The following DOCK10 variants were observed in gnomAD, a reference collection of about 807,000 sequenced individuals.
The protein encoded by DOCK10 is dedicator of cytokinesis protein 10.
Under a neutral mutation model 280.1 loss-of-function variants are expected in DOCK10, and 145 were observed. That is an observed-to-expected ratio of 0.52 (90% CI 0.45 to 0.59). The LOEUF (loss-of-function observed/expected upper bound fraction) is 0.59. Ranked by LOEUF, DOCK10 falls within the 20% of genes least tolerant of loss-of-function variation. The pLI, the probability that DOCK10 is intolerant of heterozygous loss-of-function variation, is 0.00. For missense variants in DOCK10, 2,368 were observed against 2,651.7 expected, an observed-to-expected ratio of 0.89 and a Z score of 2.35; for synonymous variants, 915 against 942.2, an observed-to-expected ratio of 0.97 and a Z score of 0.53.
chr2:224,827,784 G>T (rs754127609), intron 27 of DOCK10, among the ~76,000 whole-genome samples: 12 of 152,118 alleles, frequency 7.9e-5, no homozygotes, highest in Non-Finnish European at 1.6e-4. Context: ...TAGCAGAAAA[G>T]CAAAAATAGG....
chr2:224,787,664 C>T (rs1250399833), intron 48 of DOCK10, among the ~76,000 whole-genome samples: 1 of 152,198 alleles, frequency 6.6e-6, no homozygotes, highest in Non-Finnish European at 1.5e-5. Context: ...TGACTTCGTA[C>T]TCCCTGACCC....
chr2:225,007,289 T>TCAC (rs1391707195), intron 1 of DOCK10, among the ~76,000 whole-genome samples: 1 of 152,070 alleles, frequency 6.6e-6, no homozygotes, highest in African/African-American at 2.4e-5. Context: ...CAGAAGGTGG[T>TCAC]TTCTAGCAGT....
At position 224,805,024 on chromosome 2, in the gene DOCK10, A is replaced by G; in HGVS notation, c.4118+34T>C. The stretch of plus-strand genomic sequence containing the variant: ...TAGTGGACTATTTAGAAATTTCCAG[A>G]AAAAAGTGTTAAGTCATCAACTCTA... On this transcript the variant is annotated intron_variant, in intron 37 of 55. Coordinates refer to ENST00000258390, the MANE Select transcript of DOCK10 (RefSeq NM_014689.3). The surrounding 1 kb of genome is among the most constrained non-coding windows in gnomAD (Gnocchi z 4.3). 6.4e-7 allele frequency: 1 copy of G among 1,558,234 alleles called. No homozygotes were observed.
At chr2:224,855,095 A>ACACG (rs2125567455) in intron 15 of DOCK10, 53 bp from the exon 16 acceptor site, 1 of 1,205,764 alleles carries the variant, frequency 8.3e-7, no homozygotes, top group East Asian at 2.5e-5. Context: ...ACACACACAC[A>ACACG]CACACAGAGT....
At chr2:224,886,891 C>T (rs1559661701) in intron 4 of DOCK10, among the ~76,000 whole-genome samples, 3 of 150,360 alleles carry the variant, frequency 2.0e-5, no homozygotes. Context: ...CCCCAACACC[C>T]CCCCAAGTAG....
At chr2:224,856,283 G>A (rs1697138877) in intron 15 of DOCK10, among the ~76,000 whole-genome samples, 1 of 147,162 alleles carries the variant, frequency 6.8e-6, no homozygotes, top group South Asian at 2.1e-4. Context: ...GATAACATGG[G>A]TTTTGTAAGA....
At chr2:224,834,347 C>T (rs1695460725) in intron 25 of DOCK10, 84 bp from the exon 26 acceptor site, 2 of 824,738 alleles carry the variant, frequency 2.4e-6, no homozygotes, top group Admixed American at 4.2e-5. Context: ...TAACTTATGT[C>T]TCTAAATTAT....
intron 1 of DOCK10, among the ~76,000 whole-genome samples, chr2:225,001,109 A>G (rs544598729): frequency 6.6e-6 from 1 of 152,306 alleles, no homozygotes; most frequent in East Asian, 1.9e-4. Flanking sequence ...ATGGGCAGTG[A>G]TATTTTATCA....
chr2:224,995,257 A>G (rs1259126805), intron 1 of DOCK10, among the ~76,000 whole-genome samples: 2 of 152,258 alleles, frequency 1.3e-5, no homozygotes, highest in African/African-American at 2.4e-5. Context: ...CTGTTGGTCT[A>G]TAGTTTAGTC....
chr2:224,931,996 A>C (rs1338451477), intron 1 of DOCK10, among the ~76,000 whole-genome samples: 1 of 152,216 alleles, frequency 6.6e-6, no homozygotes, highest in African/African-American at 2.4e-5. Context: ...ACATGAAGAA[A>C]GACCTTCTGC....
rs180893363 is a variant in DOCK10, at chr2:224,781,519, A to T, written c.5656-3235T>A. 3.6e-3 allele frequency among the ~76,000 whole-genome samples: 546 copies of T among 152,300 alleles called. 3 individuals carry two copies. Among genetic ancestry groups the T allele is most frequent in the Non-Finnish European group, 3.7e-3 (250 of 68,024 alleles). ...CTGAGCTACAGACACTATCTGAAGG[A>T]AGGCTTCAATTTCAGCTCTGTCTAT... On this transcript the variant is annotated intron_variant, in intron 50 of 55. Transcript: ENST00000258390.
At chr2:224,931,815 G>A in intron 1 of DOCK10, 147 bp from the exon 2 acceptor site, 13 of 832,414 alleles carry the variant, frequency 1.6e-5, no homozygotes, top group South Asian at 7.6e-5. Context: ...AGGAATTTAG[G>A]GCAAAGCCAC....
chr2:224,766,961 G>T (rs533528510), intron 55 of DOCK10, among the ~76,000 whole-genome samples: 2 of 152,178 alleles, frequency 1.3e-5, no homozygotes, highest in African/African-American at 2.4e-5. Flanking sequence ...TATACTGAAG[G>T]TTCCTTCATT....
chr2:224,801,299 A>C (rs553146033), intron 40 of DOCK10, among the ~76,000 whole-genome samples: 5 of 151,866 alleles, frequency 3.3e-5, no homozygotes, highest in Non-Finnish European at 7.4e-5. Context: ...AAAAAAAAAA[A>C]AAAACATATT....
In DOCK10 at chr2:224,840,085, G is replaced by A; in HGVS notation, c.2662-13C>T. 2 of 1,341,672 alleles carry A rather than the reference G, an allele frequency of 1.5e-6. No homozygotes were observed. The highest frequency in any genetic ancestry group is 2.2e-5 in the Admixed American group (1 of 45,988). The allele number at this position is 1,341,672 out of a possible 1,614,324, so 83.1% of individuals were successfully genotyped here. On this transcript the variant is annotated splice_polypyrimidine_tract_variant and intron_variant, in intron 23 of 55. Transcript: ENST00000258390. ...CATTCAATAAGTTCTGTAGTAAATT[G>A]GCAGAAAAAAAGGATACCAATTAAA... is the stretch of plus-strand genomic sequence containing the variant.
chr2:225,020,363 T>C (rs1689753802), intron 1 of DOCK10, among the ~76,000 whole-genome samples: 1 of 152,208 alleles, frequency 6.6e-6, no homozygotes, highest in South Asian at 2.1e-4. Flanking sequence ...TAGCATAAAA[T>C]GTGGTGAACA....
In DOCK10 at chr2:225,018,537, ATAT is replaced by A. The variant is rs1255236032; in HGVS notation, c.123+23712_123+23714del. Among the ~76,000 whole-genome samples, 6 of 8,908 alleles carry A rather than the reference ATAT, an allele frequency of 6.7e-4. 2 individuals are homozygous for A. In the South Asian group the frequency reaches 0.024, roughly 36 times the overall value. The allele number at this position is 8,908 out of a possible 152,430, so 5.8% of individuals were successfully genotyped here. ...ATTATATATATATAATATATATGTAATATTATATATATATAATATATATGTAAT... is the reference window on the plus strand; with the variant it reads ...ATTATATATATATAATATATATGTAATATATATATATAATATATATGTAAT... On this transcript the variant is annotated intron_variant, in intron 1 of 55. Transcript: ENST00000258390.
chr2:225,016,421 T>A (rs1689591507), intron 1 of DOCK10, among the ~76,000 whole-genome samples: 1 of 151,724 alleles, frequency 6.6e-6, no homozygotes, highest in Admixed American at 6.6e-5. Context: ...AGAAGGCAAG[T>A]ATCTTATTAA....
intron 1 of DOCK10, among the ~76,000 whole-genome samples, chr2:224,936,709 A>C (rs946413936): frequency 3.3e-5 from 5 of 152,150 alleles, no homozygotes; most frequent in African/African-American, 1.2e-4. Context: ...AAAACATTAG[A>C]GATATGGGTC....
Sources: gnomAD v4.1 joint callset for allele counts (sites outside exome capture counted in the v4.1 genomes callset) on GRCh38, gnomAD v4.1.1 for gene constraint, Gnocchi (gnomAD v3.1) non-coding constraint, MANE v1.5 for transcripts, NCBI Gene and HGNC (gene_info 2026-07-23, HGNC 2026-07-21) for gene names.